The following SLC9B1 variants were observed in gnomAD, a reference collection of about 807,000 sequenced individuals.
SLC9B1 encodes solute carrier family 9 member B1.
In SLC9B1, 32 loss-of-function variants were observed where a neutral mutation model predicts 51.7. The ratio of observed to expected loss-of-function variants is 0.62; its 90% CI spans 0.47 to 0.83. The LOEUF (loss-of-function observed/expected upper bound fraction) is 0.83. Ranked by LOEUF, SLC9B1 falls within the 40% of genes least tolerant of loss-of-function variation. SLC9B1 has a pLI of 0.00. For synonymous variants in SLC9B1, 145 were observed against 212.7 expected (o/e 0.68, Z 2.77); for missense variants, 406 against 613.2 (o/e 0.66, Z 3.57).
chr4:103,018,722 A>C (rs1741549081), intron 1 of SLC9B1, among the ~76,000 whole-genome samples: 1 of 152,138 alleles, frequency 6.6e-6, no homozygotes, highest in Admixed American at 6.5e-5. Flanking sequence ...CTACTGATTG[A>C]TGTGACAGAC....
intron 4 of SLC9B1, among the ~76,000 whole-genome samples, chr4:102,948,520 T>C (rs952870681): frequency 6.6e-6 from 1 of 152,092 alleles, no homozygotes; most frequent in African/African-American, 2.4e-5. Flanking sequence ...CATAAATACA[T>C]ATACACACAT....
chr4:102,978,043 G>C (rs904587996), intron 3 of SLC9B1, among the ~76,000 whole-genome samples: 1 of 152,088 alleles, frequency 6.6e-6, no homozygotes, highest in Non-Finnish European at 1.5e-5. Flanking sequence ...CCATCTAAGA[G>C]TGAGAATAAG....
chr4:102,909,427 AC>A (rs1267435521), intron 9 of SLC9B1, among the ~76,000 whole-genome samples: 1 of 152,038 alleles, frequency 6.6e-6, no homozygotes, highest in Non-Finnish European at 1.5e-5. Context: ...ACATGGTGAA[AC>A]CCCGTCTCTA....
intron 5 of SLC9B1, 97 bp from the exon 6 acceptor site, chr4:102,945,417 A>G: frequency 7.5e-7 from 1 of 1,325,372 alleles, no homozygotes. Flanking sequence ...TTTCATAAGA[A>G]GCTTTCACTA....
At chr4:102,922,987 G>A (rs1735960626) in intron 7 of SLC9B1, among the ~76,000 whole-genome samples, 1 of 152,096 alleles carries the variant, frequency 6.6e-6, no homozygotes, top group South Asian at 2.1e-4. Context: ...GCACAAAGAG[G>A]AGCTGGTACC....
At chr4:102,914,536 G>A (rs1578341428) in intron 7 of SLC9B1, among the ~76,000 whole-genome samples, 1 of 152,142 alleles carries the variant, frequency 6.6e-6, no homozygotes, top group South Asian at 2.1e-4. Flanking sequence ...AACAAGGACA[G>A]TTTAAATGCT....
chr4:102,968,136 G>C (rs1004785776), intron 3 of SLC9B1, among the ~76,000 whole-genome samples: 2 of 152,170 alleles, frequency 1.3e-5, no homozygotes, highest in African/African-American at 4.8e-5. Flanking sequence ...AGACAGTGTA[G>C]AATCCACATT....
At chr4:102,885,156 C>A in exon 12 of SLC9B1, 1 of 1,281,322 alleles carries the variant, frequency 7.8e-7, no homozygotes, top group South Asian at 1.2e-5. Flanking sequence ...TGAAACTAGA[C>A]ATGCTATTTT....
At chr4:102,903,371 G>A (rs1056318704) in intron 11 of SLC9B1, among the ~76,000 whole-genome samples, 1 of 152,018 alleles carries the variant, frequency 6.6e-6, no homozygotes, top group Non-Finnish European at 1.5e-5. Flanking sequence ...TGTTAATTGA[G>A]CACCACCATA....
chr4:102,893,175 G>A (rs369692700), intron 11 of SLC9B1, among the ~76,000 whole-genome samples: 6 of 150,134 alleles, frequency 4.0e-5, no homozygotes, highest in African/African-American at 1.2e-4. Context: ...CCAGCTACTC[G>A]GGAGGCTGAG....
intron 3 of SLC9B1, among the ~76,000 whole-genome samples, chr4:102,982,678 A>C (rs1033817655): frequency 3.3e-5 from 5 of 152,108 alleles, no homozygotes; most frequent in African/African-American, 1.2e-4. Flanking sequence ...TTAATTTCAA[A>C]TTCCATTTGT....
intron 9 of SLC9B1, among the ~76,000 whole-genome samples, chr4:102,909,236 G>C (rs1735217273): frequency 6.6e-6 from 1 of 151,722 alleles, no homozygotes; most frequent in African/African-American, 2.4e-5. Context: ...GTCAAGTTGG[G>C]AGGATCCCTT....
rs1160875283 is a variant in SLC9B1, at chr4:103,019,697, C to T, written c.-100G>A. On this transcript the variant is annotated 5_prime_UTR_variant, in exon 1 of 12. Transcript: ENST00000296422. Reference sequence around the variant, plus strand: ...GCCACCCAGGTGGGCAGGGTGGTGACGCGAAAGCCCGGATAGACTTCCGCG... The same window carrying T: ...GCCACCCAGGTGGGCAGGGTGGTGATGCGAAAGCCCGGATAGACTTCCGCG... 2.0e-6 allele frequency: 2 copies of T among 985,372 alleles called. No homozygotes were observed. Among genetic ancestry groups the T allele is most frequent in the Non-Finnish European group, 2.4e-6 (2 of 829,972 alleles). 61.0% of individuals were successfully genotyped at this position (985,372 alleles called of 1,614,324 possible). A position where few individuals can be genotyped will look rare whatever the true frequency, so the allele number is the denominator to read the frequency against.
intron 9 of SLC9B1, among the ~76,000 whole-genome samples, chr4:102,907,742 A>G (rs1292923812): frequency 1.3e-5 from 2 of 152,322 alleles, no homozygotes; most frequent in East Asian, 3.9e-4. Flanking sequence ...GGCATAAACT[A>G]TCTTCATAAC....
chr4:102,915,099 GA>G (rs1735516267), intron 7 of SLC9B1, among the ~76,000 whole-genome samples: 1 of 104,498 alleles, frequency 9.6e-6, no homozygotes, highest in Non-Finnish European at 1.9e-5. Context: ...TAAAAGGGCT[GA>G]AAGAAAAAAA....
At chr4:102,977,127 G>A (rs1463364424) in intron 3 of SLC9B1, among the ~76,000 whole-genome samples, 1 of 151,802 alleles carries the variant, frequency 6.6e-6, no homozygotes, top group African/African-American at 2.4e-5. Context: ...TGCAGCCTGG[G>A]CAACAGAGTG....
chr4:102,963,635 C>CT (rs1028677672), intron 3 of SLC9B1, among the ~76,000 whole-genome samples: 3 of 152,076 alleles, frequency 2.0e-5, no homozygotes, highest in Non-Finnish European at 2.9e-5. Context: ...TTAAATGTGA[C>CT]TTTGAAAATT....
At chr4:102,970,525 A>G (rs1738701885) in intron 3 of SLC9B1, among the ~76,000 whole-genome samples, 1 of 152,202 alleles carries the variant, frequency 6.6e-6, no homozygotes, top group Admixed American at 6.5e-5. Flanking sequence ...TACCAGCCAC[A>G]CAAAAACATG....
intron 7 of SLC9B1, among the ~76,000 whole-genome samples, chr4:102,927,003 G>C (rs1170035048): frequency 6.6e-6 from 1 of 152,200 alleles, no homozygotes; most frequent in Non-Finnish European, 1.5e-5. Flanking sequence ...ATGGGGAAAG[G>C]ATTGCCTATT....
Sources: allele counts gnomAD v4.1 joint callset (sites outside exome capture counted in the v4.1 genomes callset), GRCh38; gene constraint gnomAD v4.1.1; transcripts MANE v1.5; gene names NCBI Gene and HGNC (gene_info 2026-07-23, HGNC 2026-07-21).